Variants in GPC5 observed in about 807,000 individuals in gnomAD.
GPC5 encodes the protein glypican 5.
Under a neutral mutation model 53.9 loss-of-function variants are expected in GPC5, and 47 were observed. The observed-to-expected ratio is 0.87, with a 90% CI of 0.69 to 1.11. The LOEUF (loss-of-function observed/expected upper bound fraction) is 1.11. GPC5 is among the 50% of genes most tolerant of loss of function. The pLI, the probability that GPC5 is intolerant of heterozygous loss-of-function variation, is 0.00. For synonymous variants in GPC5, 286 were observed against 263.3 expected (o/e 1.09, Z -0.84); for missense variants, 748 against 713.1 (o/e 1.05, Z -0.56).
At chr13:92,166,946 TCTCTCTCTCTCACACA>T (rs1343244169) in intron 7 of GPC5, among the ~76,000 whole-genome samples, 3,643 of 68,814 alleles carry the variant, frequency 0.053, 148 homozygotes, top group African/African-American at 0.13. Flanking sequence ...TCTCTCTCTC[TCTCTCTCTCTCACACA>T]CACACACACA....
chr13:91,926,877 T>C (rs2039774460), intron 6 of GPC5, among the ~76,000 whole-genome samples: 1 of 152,240 alleles, frequency 6.6e-6, no homozygotes, highest in Non-Finnish European at 1.5e-5. Flanking sequence ...TTGAACTCTT[T>C]CTCCACATTC....
chr13:91,957,242 C>T (rs1251968572), intron 6 of GPC5, among the ~76,000 whole-genome samples: 1 of 152,038 alleles, frequency 6.6e-6, no homozygotes, highest in Non-Finnish European at 1.5e-5. Context: ...AATTTGAGAA[C>T]TTGAAGACAA....
chr13:91,838,590 TTGAG>T (rs2038749213), intron 5 of GPC5, among the ~76,000 whole-genome samples: 2 of 151,588 alleles, frequency 1.3e-5, no homozygotes, highest in South Asian at 2.1e-4. Flanking sequence ...GACAATAACT[TTGAG>T]TGGGGAGAAG....
intron 7 of GPC5, among the ~76,000 whole-genome samples, chr13:92,487,378 A>G (rs190055578): frequency 6.6e-6 from 1 of 152,260 alleles, no homozygotes; most frequent in Admixed American, 6.5e-5. Flanking sequence ...GCCTGAAGGG[A>G]ATTTATAACC....
chr13:91,916,698 G>C (rs1256564912), intron 6 of GPC5, among the ~76,000 whole-genome samples: 1 of 152,082 alleles, frequency 6.6e-6, no homozygotes, highest in Admixed American at 6.6e-5. Flanking sequence ...ATTGCTGGGG[G>C]GTCCTCAGGA....
At chr13:92,536,196 G>A (rs1487756704) in intron 7 of GPC5, among the ~76,000 whole-genome samples, 1 of 152,070 alleles carries the variant, frequency 6.6e-6, no homozygotes, top group Non-Finnish European at 1.5e-5. Context: ...ATAGTAGAAT[G>A]CAACATTTTT....
intron 2 of GPC5, among the ~76,000 whole-genome samples, chr13:91,650,838 A>C (rs1235629677): frequency 6.8e-6 from 1 of 148,070 alleles, no homozygotes; most frequent in Non-Finnish European, 1.5e-5. Context: ...TTTTAATGAA[A>C]TTATAAAATT....
At chr13:92,064,244 T>C (rs570018932) in intron 6 of GPC5, among the ~76,000 whole-genome samples, 13 of 152,328 alleles carry the variant, frequency 8.5e-5, no homozygotes, top group African/African-American at 2.9e-4. Flanking sequence ...AAGAAACTTA[T>C]AAGATAGCCT....
At chr13:91,755,116 A>G (rs1411823178) in intron 4 of GPC5, among the ~76,000 whole-genome samples, 1 of 152,134 alleles carries the variant, frequency 6.6e-6, no homozygotes, top group African/African-American at 2.4e-5. Context: ...GCAAGATATC[A>G]TCTCTAAAAC....
rs190677259 is a variant in GPC5 at position 92,051,878 on chromosome 13, A to G, written c.1402-92952A>G. On this transcript the variant is annotated intron_variant, in intron 6 of 7. Coordinates refer to ENST00000377067, the MANE Select transcript of GPC5 (RefSeq NM_004466.6). Reference sequence around the variant, plus strand: ...GTGGAAAGAGAACATTGATGGCAGGACTCTTTTTTTAGAGAGCTGATGCAT... The same window carrying G: ...GTGGAAAGAGAACATTGATGGCAGGGCTCTTTTTTTAGAGAGCTGATGCAT... Among the ~76,000 whole-genome samples the G allele has an allele frequency of 3.6e-3, 544 of 152,146 alleles. 3 individuals carry two copies. Among genetic ancestry groups the G allele is most frequent in the Admixed American group, 9.5e-3 (145 of 15,266 alleles).
At chr13:91,892,183 A>C (rs1035794583) in intron 5 of GPC5, among the ~76,000 whole-genome samples, 5 of 151,966 alleles carry the variant, frequency 3.3e-5, no homozygotes, top group African/African-American at 9.7e-5. Context: ...TAATTTATAT[A>C]ATTTTTGAAA....
intron 4 of GPC5, among the ~76,000 whole-genome samples, chr13:91,752,517 T>G (rs2037201598): frequency 6.6e-6 from 1 of 152,232 alleles, no homozygotes; most frequent in Admixed American, 6.5e-5. Context: ...GAAGGACACT[T>G]TCAGTATTTT....
chr13:91,488,602 A>G lies in GPC5; in HGVS notation c.325+39680A>G, dbSNP rs536536131. Among the ~76,000 whole-genome samples, 10 of 152,286 alleles carry G rather than the reference A, an allele frequency of 6.6e-5. No individual in the cohort carries two copies. In the East Asian group the frequency reaches 7.7e-4, roughly 12 times the overall value. On this transcript the variant is annotated intron_variant, in intron 2 of 7. Transcript: ENST00000377067. The stretch of plus-strand genomic sequence containing the variant: ...TTCATGGACACTTACCACTTCCCCA[A>G]TCAATACCCTTGTGATTTTCTATGC...
rs79568161 is a variant in GPC5 at position 91,503,241 on chromosome 13, G to T, written c.325+54319G>T. 4.0e-4 allele frequency among the ~76,000 whole-genome samples: 61 copies of T among 152,234 alleles called. No homozygotes were observed. In the East Asian group the frequency reaches 8.3e-3, roughly 21 times the overall value. Reference sequence around the variant, plus strand: ...ATGGTAGAGCTTTTCAGAATGATGAGAGATTATGTCTTTACTTTTTGACTA... The same window carrying T: ...ATGGTAGAGCTTTTCAGAATGATGATAGATTATGTCTTTACTTTTTGACTA... On this transcript the variant is annotated intron_variant, in intron 2 of 7. Transcript: ENST00000377067.
At chr13:91,650,090 C>T (rs960210870) in intron 2 of GPC5, among the ~76,000 whole-genome samples, 1 of 152,144 alleles carries the variant, frequency 6.6e-6, no homozygotes, top group African/African-American at 2.4e-5. Flanking sequence ...AACTGGACTG[C>T]AAATCTTATT....
chr13:91,742,482 G>T (rs1162268449), intron 4 of GPC5, among the ~76,000 whole-genome samples: 1 of 152,144 alleles, frequency 6.6e-6, no homozygotes, highest in Non-Finnish European at 1.5e-5. Flanking sequence ...CATCTTAAAT[G>T]AAATCCACAT....
chr13:91,674,617 ATATATACGCATATATATGCGTATG>A, intron 2 of GPC5, among the ~76,000 whole-genome samples: 1 of 147,250 alleles, frequency 6.8e-6, no homozygotes, highest in African/African-American at 2.5e-5. Context: ...GCGTATGTGT[ATATATACGCATATATATGCGTATG>A]TGTATTATGC....
chr13:91,841,299 G>A (rs1423912117), intron 5 of GPC5, among the ~76,000 whole-genome samples: 1 of 150,596 alleles, frequency 6.6e-6, no homozygotes, highest in Non-Finnish European at 1.5e-5. Flanking sequence ...AAATTGAATG[G>A]AAAGAGAATC....
At chr13:91,882,434 T>A (rs2138951963) in intron 5 of GPC5, among the ~76,000 whole-genome samples, 1 of 152,158 alleles carries the variant, frequency 6.6e-6, no homozygotes, top group East Asian at 1.9e-4. Context: ...TGTTTTGTTT[T>A]GTAACATTAA....
Sources: gnomAD v4.1 joint callset for allele counts (sites outside exome capture counted in the v4.1 genomes callset) on GRCh38, gnomAD v4.1.1 for gene constraint, MANE v1.5 for transcripts, NCBI Gene and HGNC (gene_info 2026-07-23, HGNC 2026-07-21) for gene names.